Variants in METTL2A observed in about 807,000 individuals in gnomAD.
The protein encoded by METTL2A is tRNA N(3)-cytidine methyltransferase METTL2A.
A neutral mutation model predicts 49.4 loss-of-function variants in METTL2A; 45 were observed. The ratio of observed to expected loss-of-function variants is 0.91; its 90% CI spans 0.72 to 1.17. The LOEUF (loss-of-function observed/expected upper bound fraction) is 1.17. Among genes scored for constraint, METTL2A ranks in the 50% most tolerant of loss-of-function variants. The pLI is 0.00. For synonymous variants in METTL2A, 118 were observed against 167.5 expected (o/e 0.70, Z 2.28); for missense variants, 361 against 462.2 (o/e 0.78, Z 2.01).
intron 7 of METTL2A, among the ~76,000 whole-genome samples, chr17:62,447,213 G>A (rs1227362632): frequency 1.3e-5 from 2 of 152,300 alleles, no homozygotes; most frequent in Non-Finnish European, 2.9e-5. Flanking sequence ...GAGGTGAGGA[G>A]TTTGAGACCA....
At chr17:62,424,186 G>T in intron 1 of METTL2A, 33 bp from the exon 2 acceptor site, 1 of 1,614,136 alleles carries the variant, frequency 6.2e-7, no homozygotes, top group Non-Finnish European at 8.5e-7. Flanking sequence ...GCCAGGACGT[G>T]AGGCCCCTAA....
At position 62,452,443 on chromosome 17, in the gene METTL2A, C is replaced by A. The variant is rs1289658051; in HGVS notation, c.*3714C>A. On this transcript the variant is annotated 3_prime_UTR_variant, in exon 9 of 9. Transcript: ENST00000311506. ...TCCTGTTCCTCATCAAACTTCTACC[C>A]CCTAGTTTCAGTATCTATTGCTGCT... Among the ~76,000 whole-genome samples the A allele has an allele frequency of 6.6e-6, 1 of 152,124 alleles. No homozygotes were observed. The highest frequency in any genetic ancestry group is 1.5e-5 in the Non-Finnish European group (1 of 68,032).
intron 4 of METTL2A, among the ~76,000 whole-genome samples, chr17:62,433,159 C>T (rs572461941): frequency 2.0e-5 from 3 of 152,176 alleles, no homozygotes; most frequent in South Asian, 2.1e-4. Context: ...ACAGGCCAGG[C>T]GTGGTGGCTC....
rs2070787893 is a variant in METTL2A, at chr17:62,448,997, A to C, written c.*268A>C. The C allele has an allele frequency of 5.4e-6, 2 of 371,206 alleles. No homozygotes were observed. The highest frequency in any genetic ancestry group is 4.2e-5 in the Admixed American group (1 of 23,694). 23.0% of individuals were successfully genotyped at this position (371,206 alleles called of 1,614,324 possible). On this transcript the variant is annotated 3_prime_UTR_variant, in exon 9 of 9. Transcript: ENST00000311506. Reference sequence around the variant, plus strand: ...TCAGACTTGAACCTTAAACCTAGGAAAAGTTACTTTGTATCAGGATTCTAA... The same window carrying C: ...TCAGACTTGAACCTTAAACCTAGGACAAGTTACTTTGTATCAGGATTCTAA...
chr17:62,431,214 G>A (rs2070663033), intron 4 of METTL2A, among the ~76,000 whole-genome samples: 1 of 151,086 alleles, frequency 6.6e-6, no homozygotes, highest in African/African-American at 2.4e-5. Context: ...TTGGCCAGGC[G>A]GGTCTCGAAC....
intron 2 of METTL2A, 113 bp from the exon 3 acceptor site, chr17:62,426,186 C>T: frequency 9.5e-7 from 1 of 1,051,392 alleles, no homozygotes; most frequent in Non-Finnish European, 1.4e-6. Flanking sequence ...GTGGCTCTAC[C>T]TGAGGATACT....
chr17:62,444,752 A>G (rs1880927543), intron 6 of METTL2A, 85 bp from the exon 7 acceptor site: 1 of 1,352,722 alleles, frequency 7.4e-7, no homozygotes, highest in African/African-American at 1.4e-5. Context: ...GAGGAAGTCC[A>G]CTGGCTTTTT....
chr17:62,430,217 G>C (rs1039681704), intron 4 of METTL2A, among the ~76,000 whole-genome samples: 8 of 152,160 alleles, frequency 5.3e-5, no homozygotes, highest in African/African-American at 1.9e-4. Context: ...AAAAGAGATT[G>C]TTCTGCTCTT....
At chr17:62,434,207 C>T (rs759098143) in intron 4 of METTL2A, among the ~76,000 whole-genome samples, 104 of 152,226 alleles carry the variant, frequency 6.8e-4, no homozygotes, top group Admixed American at 1.8e-3. Context: ...TCAGTAGCCA[C>T]GTGTGAAATG....
chr17:62,429,878 C>G (rs1292401194), intron 4 of METTL2A, among the ~76,000 whole-genome samples: 1 of 152,130 alleles, frequency 6.6e-6, no homozygotes, highest in Non-Finnish European at 1.5e-5. Flanking sequence ...GCCATGTTGG[C>G]TAGGCTGGTC....
chr17:62,436,576 A>T (rs1039894075), intron 5 of METTL2A, among the ~76,000 whole-genome samples: 2 of 152,202 alleles, frequency 1.3e-5, no homozygotes, highest in African/African-American at 2.4e-5. Context: ...AAGAAAAAAA[A>T]ATAGTTTATT....
At chr17:62,424,599 A>T (rs1212972146) in intron 2 of METTL2A, among the ~76,000 whole-genome samples, 1 of 152,166 alleles carries the variant, frequency 6.6e-6, no homozygotes, top group Admixed American at 6.5e-5. Context: ...AGCCAATGAC[A>T]ACTGTGTGGT....
Position 62,449,120 on chromosome 17 carries a change from T to A in METTL2A, c.*391T>A. 4.3e-6 allele frequency: 1 copy of A among 232,564 alleles called. No individual in the cohort carries two copies. Among genetic ancestry groups the A allele is most frequent in the Non-Finnish European group, 8.5e-6 (1 of 117,416 alleles). The allele number at this position is 232,564 out of a possible 1,614,324, so 14.4% of individuals were successfully genotyped here. A position where few individuals can be genotyped will look rare whatever the true frequency, so the allele number is the denominator to read the frequency against. On this transcript the variant is annotated 3_prime_UTR_variant, in exon 9 of 9. Coordinates refer to ENST00000311506, the MANE Select transcript of METTL2A (RefSeq NM_181725.4). The stretch of plus-strand genomic sequence containing the variant: ...GTCTTAGCATTTTGTAACTAATAAC[T>A]GAAATTTTATTCAAAGGAATTGTAA...
chr17:62,428,280 C>T (rs1242199087), intron 4 of METTL2A, among the ~76,000 whole-genome samples: 1 of 152,202 alleles, frequency 6.6e-6, no homozygotes, highest in Non-Finnish European at 1.5e-5. Flanking sequence ...GTTGAGAAAG[C>T]TAACATACAT....
chr17:62,451,537 C>T lies in METTL2A; in HGVS notation c.*2808C>T, dbSNP rs550590967. Among the ~76,000 whole-genome samples, 6 of 150,834 alleles carry T rather than the reference C, an allele frequency of 4.0e-5. No homozygotes were observed. Among genetic ancestry groups the T allele is most frequent in the Admixed American group, 2.6e-4 (4 of 15,182 alleles). The stretch of plus-strand genomic sequence containing the variant: ...CAGCACTTTGGGAGGCCAAGGTGGG[C>T]GGATCATTTGAGGTCGGGAGTTCGA... On this transcript the variant is annotated 3_prime_UTR_variant, in exon 9 of 9. Transcript: ENST00000311506.
chr17:62,435,247 T>G lies in METTL2A; in HGVS notation c.624T>G (p.Phe208Leu), dbSNP rs1361102404. The G allele has an allele frequency of 1.7e-5, 27 of 1,613,864 alleles. No individual in the cohort carries two copies. Among genetic ancestry groups the G allele is most frequent in the Non-Finnish European group, 2.0e-5 (24 of 1,179,862 alleles). Residue 208 changes from phenylalanine to leucine, a missense_variant, in exon 5 of 9, where the codon TTT becomes TTG. Phe to Leu is a conservative substitution (Grantham distance 22, BLOSUM62 0). Around this residue, in one of 3 missense-constraint regions of METTL2A, gnomAD observed 183 missense variants for 216.5 expected, o/e 0.85. Transcript: ENST00000311506. ...CCCATTTCAGTGACCCAGGACTCTT[T>G]GTTTATTGCTGTGATTTTTCTTCCA... ...ILQTNNDPGL[F>L]VYCCDFSSTA...
At chr17:62,444,793 C>G in intron 6 of METTL2A, 44 bp from the exon 7 acceptor site, 1 of 1,604,234 alleles carries the variant, frequency 6.2e-7, no homozygotes, top group African/African-American at 1.3e-5. Context: ...AGAACCCCGT[C>G]TTTAAGGAGA....
At chr17:62,424,546 T>G (rs1451052182) in intron 2 of METTL2A, among the ~76,000 whole-genome samples, 1 of 152,124 alleles carries the variant, frequency 6.6e-6, no homozygotes, top group Non-Finnish European at 1.5e-5. Context: ...AGGAGGGTAA[T>G]GTTGTCTTTA....
intron 5 of METTL2A, among the ~76,000 whole-genome samples, chr17:62,438,322 G>T (rs1043005733): frequency 5.9e-5 from 9 of 151,418 alleles, no homozygotes; most frequent in African/African-American, 2.2e-4. Context: ...CAGGAGAATC[G>T]CTTGAATCTG....
Sources: gnomAD v4.1 joint callset for allele counts (sites outside exome capture counted in the v4.1 genomes callset) on GRCh38, gnomAD v4.1.1 for gene constraint, gnomAD v4.1.1 regional missense constraint, MANE v1.5 for transcripts, NCBI Gene and HGNC (gene_info 2026-07-23, HGNC 2026-07-21) for gene names.